The following SMG1 variants were observed in gnomAD, a reference collection of about 807,000 sequenced individuals.
SMG1 encodes serine/threonine-protein kinase SMG1.
SMG1 carries 22 observed loss-of-function variants against 419.9 expected under a neutral mutation model. The ratio of observed to expected loss-of-function variants is 0.05; its 90% CI spans 0.04 to 0.07. The LOEUF (loss-of-function observed/expected upper bound fraction) is 0.07, where lower values mean the gene tolerates loss of function less well. Ranked by LOEUF, SMG1 falls within the 10% of genes least tolerant of loss-of-function variation. The pLI, the probability that SMG1 is intolerant of heterozygous loss-of-function variation, is 1.00. For missense variants in SMG1, 3,185 were observed against 4,342.0 expected, an observed-to-expected ratio of 0.73 and a Z score of 7.49; for synonymous variants, 1,538 against 1,553.5, an observed-to-expected ratio of 0.99 and a Z score of 0.23.
intron 19 of SMG1, among the ~76,000 whole-genome samples, chr16:18,869,574 A>G (rs1455368302): frequency 6.6e-6 from 1 of 151,930 alleles, no homozygotes; most frequent in Non-Finnish European, 1.5e-5. Flanking sequence ...CATGTCTAGA[A>G]TATCTCCACC....
intron 20 of SMG1, among the ~76,000 whole-genome samples, 162 bp from the exon 21 acceptor site, chr16:18,868,881 GAAAT>G (rs1320813949): frequency 6.6e-6 from 1 of 151,770 alleles, no homozygotes; most frequent in Non-Finnish European, 1.5e-5. Flanking sequence ...TTAGGGGAAA[GAAAT>G]ATATATTTTT....
chr16:18,836,193 T>G lies in SMG1; in HGVS notation c.7797A>C (p.Pro2599=). The G allele has an allele frequency of 6.2e-7, 1 of 1,612,188 alleles. No individual in the cohort carries two copies. ...QMDLGPPSYV[P]ATAFLQNAGQ... is the part of the protein sequence containing the mutation. ...CAGCATTCTGCAGAAAGGCTGTTGC[T>G]GGCACGTAACTTGGAGGACCTTTTG... Residue 2599 remains proline (P), a synonymous_variant, in exon 48 of 63, where the codon CCA becomes CCC. Transcript: ENST00000446231.
At chr16:18,864,185 TAC>T (rs1491517898) in intron 23 of SMG1, 41 bp from the exon 24 acceptor site, 1 of 1,099,912 alleles carries the variant, frequency 9.1e-7, no homozygotes, top group Non-Finnish European at 1.2e-6. Flanking sequence ...TTTATCTACT[TAC>T]TTTTTTTTTT....
chr16:18,881,041 C>T (rs1433809282), intron 10 of SMG1, among the ~76,000 whole-genome samples: 1 of 150,812 alleles, frequency 6.6e-6, no homozygotes, highest in Non-Finnish European at 1.5e-5. Context: ...TCATATGGGC[C>T]CAGGAGTTCA....
chr16:18,839,599 G>C (rs762422908), intron 42 of SMG1, 99 bp downstream of exon 42: 5 of 1,473,948 alleles, frequency 3.4e-6, no homozygotes, highest in Non-Finnish European at 4.7e-6. Context: ...AGTCTGGAGG[G>C]ACAGAGGAAG....
At chr16:18,831,786 TATATAC>T (rs1380299509) in intron 51 of SMG1, among the ~76,000 whole-genome samples, 1 of 146,938 alleles carries the variant, frequency 6.8e-6, no homozygotes, top group African/African-American at 2.5e-5. Context: ...TATATATATA[TATATAC>T]ACACACACGT....
At chr16:18,811,659 T>C (rs2031411582) in intron 62 of SMG1, 102 bp downstream of exon 62, 1 of 1,038,092 alleles carries the variant, frequency 9.6e-7, no homozygotes, top group South Asian at 1.4e-5. Flanking sequence ...CACATTTAAG[T>C]TCCTTGATGA....
At chr16:18,812,204 A>G (rs2031477945) in intron 60 of SMG1, 77 bp from the exon 61 acceptor site, 1 of 1,407,972 alleles carries the variant, frequency 7.1e-7, no homozygotes, top group African/African-American at 1.4e-5. Context: ...AGCACGGGAT[A>G]GGTGGTAGTG....
chr16:18,832,861 A>G, intron 51 of SMG1, 79 bp downstream of exon 51: 1 of 1,255,122 alleles, frequency 8.0e-7, no homozygotes, highest in Non-Finnish European at 1.2e-6. Context: ...AAGTAAACTT[A>G]CGTTAAAGAG....
At chr16:18,852,508 A>C (rs1359970819) in intron 31 of SMG1, 46 bp from the exon 32 acceptor site, 1 of 1,388,610 alleles carries the variant, frequency 7.2e-7, no homozygotes, top group Non-Finnish European at 9.5e-7. Context: ...GAACTCAACA[A>C]TGTTACATTC....
intron 3 of SMG1, among the ~76,000 whole-genome samples, chr16:18,893,809 G>T (rs916011825): frequency 5.9e-5 from 9 of 152,098 alleles, no homozygotes; most frequent in Non-Finnish European, 1.2e-4. Flanking sequence ...TGTAATCCCA[G>T]CACTTTGGGA....
At chr16:18,820,787 T>G (rs2032459096) in intron 55 of SMG1, among the ~76,000 whole-genome samples, 1 of 152,200 alleles carries the variant, frequency 6.6e-6, no homozygotes, top group Admixed American at 6.5e-5. Context: ...ATTAAAAAAC[T>G]TTTAAAACAT....
At position 18,816,313 on chromosome 16, in the gene SMG1, C is replaced by T. The variant is rs749249312; in HGVS notation, c.10291G>A (p.Ala3431Thr). Residue 3431 changes from alanine (A) to threonine (T), a missense_variant, in exon 58 of 63, where the codon GCT becomes ACT. By Grantham distance (58) the Ala-to-Thr change is moderately conservative. Coordinates refer to ENST00000446231, the MANE Select transcript of SMG1 (RefSeq NM_015092.5). ...QLGDVKHLLK[A>T]MAKDEEAALA... ...GGTATTAGTCTTACCTTAGCCATAG[C>T]TTTCAAGAGATGTTTGACATCTCCA... 2.5e-6 allele frequency: 4 copies of T among 1,613,532 alleles called. No individual in the cohort carries two copies. In the East Asian group the frequency reaches 6.7e-5, roughly 27 times the overall value.
intron 25 of SMG1, 105 bp from the exon 26 acceptor site, chr16:18,860,881 C>T: frequency 1.8e-6 from 1 of 546,390 alleles, no homozygotes; most frequent in Non-Finnish European, 3.2e-6. Context: ...GCAAAGTACA[C>T]AGCATTTTTC....
chr16:18,861,812 A>G (rs1358329527), intron 25 of SMG1, among the ~76,000 whole-genome samples: 1 of 152,200 alleles, frequency 6.6e-6, no homozygotes, highest in Non-Finnish European at 1.5e-5. Flanking sequence ...CAAAAAAAGT[A>G]GGCTTTAATT....
At chr16:18,883,256 G>A (rs1401828147) in intron 9 of SMG1, among the ~76,000 whole-genome samples, 1 of 152,236 alleles carries the variant, frequency 6.6e-6, no homozygotes, top group East Asian at 1.9e-4. Flanking sequence ...AGTGGGGCCA[G>A]AAAAGCCAAG....
At chr16:18,814,839 A>C (rs2031842818) in intron 60 of SMG1, among the ~76,000 whole-genome samples, 1 of 149,054 alleles carries the variant, frequency 6.7e-6, no homozygotes, top group African/African-American at 2.5e-5. Flanking sequence ...CAGCCTCCCA[A>C]AGTGCTGGGA....
chr16:18,836,266 AC>A (rs1371564420), intron 47 of SMG1, 54 bp from the exon 48 acceptor site: 6 of 1,592,320 alleles, frequency 3.8e-6, no homozygotes, highest in Non-Finnish European at 5.1e-6. Context: ...GTCAGCTGTC[AC>A]TAAAAGCAAG....
intron 60 of SMG1, among the ~76,000 whole-genome samples, chr16:18,813,398 AT>A (rs1413748790): frequency 6.6e-6 from 1 of 152,034 alleles, no homozygotes; most frequent in Admixed American, 6.5e-5. Context: ...TGTGGTTTTG[AT>A]TTGCATTTCT....
Sources: allele counts gnomAD v4.1 joint callset (sites outside exome capture counted in the v4.1 genomes callset), GRCh38; gene constraint gnomAD v4.1.1; transcripts MANE v1.5; gene names NCBI Gene and HGNC (gene_info 2026-07-23, HGNC 2026-07-21).